SMOC2: variants seen among roughly 807,000 people sequenced by gnomAD.
SMOC2 encodes SPARC-related modular calcium-binding protein 2.
In SMOC2, 39 loss-of-function variants were observed where a neutral mutation model predicts 61.4. That is an observed-to-expected ratio of 0.64 (90% CI 0.49 to 0.83). The LOEUF (loss-of-function observed/expected upper bound fraction) is 0.83. Ranked by LOEUF, SMOC2 falls within the 40% of genes least tolerant of loss-of-function variation. The pLI, the probability that SMOC2 is intolerant of heterozygous loss-of-function variation, is 0.00. For synonymous variants in SMOC2, 247 were observed against 239.9 expected, an observed-to-expected ratio of 1.03 and a Z score of -0.27; for missense variants, 556 against 592.9, an observed-to-expected ratio of 0.94 and a Z score of 0.65.
intron 11 of SMOC2, among the ~76,000 whole-genome samples, chr6:168,658,639 A>G (rs113313160): frequency 0.021 from 3,224 of 152,220 alleles, 130 homozygotes; most frequent in African/African-American, 0.073. Flanking sequence ...GACTCTTTGT[A>G]AGGGGGTTGG....
intron 1 of SMOC2, among the ~76,000 whole-genome samples, chr6:168,446,846 G>T (rs1781343463): frequency 6.6e-6 from 1 of 152,032 alleles, no homozygotes; most frequent in Non-Finnish European, 1.5e-5. Flanking sequence ...ATAATATCTG[G>T]CTTAATTTAA....
Position 168,485,190 on chromosome 6 carries a change from C to T in SMOC2, c.85-24725C>T, listed in dbSNP as rs146385565. 2.0e-3 allele frequency among the ~76,000 whole-genome samples: 311 copies of T among 151,942 alleles called. 1 individual carries two copies. Among genetic ancestry groups the T allele is most frequent in the African/African-American group, 7.1e-3 (292 of 41,412 alleles). On this transcript the variant is annotated intron_variant, in intron 1 of 12. Coordinates refer to ENST00000356284, the MANE Select transcript of SMOC2 (RefSeq NM_001166412.2). ...CTAGAATTAAAAAGTCAGAAAATAGCAAGTATTGACAAGGATATGGAAAAA... is the reference window on the plus strand; with the variant it reads ...CTAGAATTAAAAAGTCAGAAAATAGTAAGTATTGACAAGGATATGGAAAAA...
chr6:168,601,014 G>A (rs1785539418), intron 8 of SMOC2, among the ~76,000 whole-genome samples: 1 of 152,208 alleles, frequency 6.6e-6, no homozygotes, highest in South Asian at 2.1e-4. Context: ...TATAAAAATA[G>A]TTTTAAAGTA....
In SMOC2 at chr6:168,606,043, C is replaced by T. The variant is rs77116323; in HGVS notation, c.825-2114C>T. ...CTGACCCGGAGCTTGAAGTGAAGAT[C>T]GTTCAGCCCTCAGAGTGCCCTAGTT... On this transcript the variant is annotated intron_variant, in intron 8 of 12. Transcript: ENST00000356284. Among the ~76,000 whole-genome samples the T allele has an allele frequency of 4.9e-3, 748 of 152,246 alleles. 6 individuals are homozygous for T. The highest frequency in any genetic ancestry group is 0.017 in the African/African-American group (706 of 41,558).
chr6:168,459,781 G>A (rs1180648734), intron 1 of SMOC2, among the ~76,000 whole-genome samples: 2 of 142,634 alleles, frequency 1.4e-5, no homozygotes, highest in Non-Finnish European at 3.1e-5. Context: ...AGCCGGGGTG[G>A]TGAGCCCTCT....
intron 11 of SMOC2, chr6:168,655,480 G>C (rs1172270418): frequency 2.9e-5 from 13 of 453,712 alleles, no homozygotes; most frequent in Non-Finnish European, 4.9e-5. Flanking sequence ...TTTCAGCTCA[G>C]AGACAGCACT....
At chr6:168,641,469 G>T (rs992647082) in intron 9 of SMOC2, among the ~76,000 whole-genome samples, 3 of 152,174 alleles carry the variant, frequency 2.0e-5, no homozygotes, top group African/African-American at 7.2e-5. Flanking sequence ...TTTAAAAATG[G>T]TTGAATGACA....
intron 1 of SMOC2, among the ~76,000 whole-genome samples, chr6:168,497,821 ACAGT>A (rs1782629747): frequency 1.3e-5 from 2 of 152,190 alleles, no homozygotes; most frequent in African/African-American, 4.8e-5. Flanking sequence ...ATAAATGGAC[ACAGT>A]CAGAACTGTG....
intron 1 of SMOC2, among the ~76,000 whole-genome samples, chr6:168,461,065 T>A (rs999236542): frequency 6.6e-6 from 1 of 152,202 alleles, no homozygotes; most frequent in Non-Finnish European, 1.5e-5. Context: ...TATCCAGTAC[T>A]GGCAATTTAC....
intron 1 of SMOC2, among the ~76,000 whole-genome samples, chr6:168,500,295 A>T (rs1782694396): frequency 6.6e-6 from 1 of 151,774 alleles, no homozygotes; most frequent in Admixed American, 6.5e-5. Context: ...TCAAAAAAAA[A>T]AAAAAAAAAA....
At chr6:168,643,934 T>C (rs1786958483) in intron 9 of SMOC2, among the ~76,000 whole-genome samples, 1 of 152,190 alleles carries the variant, frequency 6.6e-6, no homozygotes. Context: ...GTCCTGCCTC[T>C]GTGAACCCCG....
chr6:168,619,982 A>G (rs1786204155), intron 9 of SMOC2, among the ~76,000 whole-genome samples: 1 of 152,204 alleles, frequency 6.6e-6, no homozygotes, highest in African/African-American at 2.4e-5. Context: ...GGTTCCGGAC[A>G]CACGGGCTCT....
intron 1 of SMOC2, among the ~76,000 whole-genome samples, chr6:168,498,073 A>C: frequency 6.6e-6 from 1 of 152,132 alleles, no homozygotes; most frequent in Non-Finnish European, 1.5e-5. Flanking sequence ...TGATCTGTGG[A>C]GCTGCCTCTC....
chr6:168,527,524 G>A, intron 3 of SMOC2, 104 bp from the exon 4 acceptor site: 1 of 780,668 alleles, frequency 1.3e-6, no homozygotes, highest in Non-Finnish European at 2.2e-6. Flanking sequence ...GGTATCCCAG[G>A]ACCCTGTCTG....
At chr6:168,538,347 T>C (rs1783791037) in intron 4 of SMOC2, among the ~76,000 whole-genome samples, 1 of 101,886 alleles carries the variant, frequency 9.8e-6, no homozygotes, top group Non-Finnish European at 1.9e-5. Context: ...GCTGCTGGAA[T>C]GTGGGGAGTG....
chr6:168,467,178 C>CACACAT (rs1214009084), intron 1 of SMOC2, among the ~76,000 whole-genome samples: 2 of 149,062 alleles, frequency 1.3e-5, no homozygotes, highest in Non-Finnish European at 2.9e-5. Flanking sequence ...CACACACACA[C>CACACAT]ACACGTTTAT....
At chr6:168,637,070 G>A (rs555814990) in intron 9 of SMOC2, among the ~76,000 whole-genome samples, 3 of 151,912 alleles carry the variant, frequency 2.0e-5, no homozygotes, top group East Asian at 1.9e-4. Context: ...TGAGGGACAC[G>A]AGGAAATGGA....
At chr6:168,516,564 G>A (rs938986900) in intron 2 of SMOC2, among the ~76,000 whole-genome samples, 9 of 152,156 alleles carry the variant, frequency 5.9e-5, no homozygotes, top group Non-Finnish European at 1.0e-4. Context: ...ATCCATCTCC[G>A]AGGCTGCACA....
rs747524210 is a variant in SMOC2 at position 168,553,448 on chromosome 6, G to A, written c.637+4245G>A. Among the ~76,000 whole-genome samples the A allele has an allele frequency of 5.9e-5, 9 of 152,248 alleles. No individual in the cohort carries two copies. Among genetic ancestry groups the A allele is most frequent in the East Asian group, 5.8e-4 (3 of 5,178 alleles). On this transcript the variant is annotated intron_variant, in intron 7 of 12. Coordinates refer to ENST00000356284, the MANE Select transcript of SMOC2 (RefSeq NM_001166412.2). The surrounding 1 kb of genome is among the most constrained non-coding windows in gnomAD (Gnocchi z 4.2). Reference sequence around the variant, plus strand: ...TGTAAGATTTAAACAAATGTAAATCGAATTAGTACTCTTCCCTACTGGCAT... The same window carrying A: ...TGTAAGATTTAAACAAATGTAAATCAAATTAGTACTCTTCCCTACTGGCAT...
Sources: allele counts gnomAD v4.1 joint callset (sites outside exome capture counted in the v4.1 genomes callset), GRCh38; gene constraint gnomAD v4.1.1; non-coding constraint Gnocchi (gnomAD v3.1); transcripts MANE v1.5; gene names NCBI Gene and HGNC (gene_info 2026-07-23, HGNC 2026-07-21).